Variants in LRFN2 observed in about 807,000 individuals in gnomAD.
LRFN2 encodes leucine-rich repeat and fibronectin type-III domain-containing protein 2.
In LRFN2, 18 loss-of-function variants were observed where a neutral mutation model predicts 37.3. The observed-to-expected ratio is 0.48, with a 90% CI of 0.33 to 0.72. The LOEUF is 0.72. Among genes scored for constraint, LRFN2 ranks in the 30% least tolerant of loss-of-function variants. The pLI, the probability that LRFN2 is intolerant of heterozygous loss-of-function variation, is 0.02. For synonymous variants in LRFN2, 556 were observed against 466.6 expected (o/e 1.19, Z -2.47); for missense variants, 1,006 against 1,060.7 (o/e 0.95, Z 0.72).
chr6:40,558,349 C>T (rs1367239227), intron 1 of LRFN2, among the ~76,000 whole-genome samples: 1 of 152,250 alleles, frequency 6.6e-6, no homozygotes. Context: ...GAACAGCCAG[C>T]ACTTCCTTCC....
chr6:40,580,186 C>T (rs1248272192), intron 1 of LRFN2, among the ~76,000 whole-genome samples: 1 of 152,314 alleles, frequency 6.6e-6, no homozygotes, highest in South Asian at 2.1e-4. Flanking sequence ...TTCTCCCACA[C>T]CCTATTTTGG....
chr6:40,541,521 C>T lies in LRFN2; in HGVS notation c.-19+45420G>A, dbSNP rs1027837882. ...GGGTGGGTATTCACAAGATCCAGGA[C>T]GGGGCGGGGGTAGAGGCAAACCATA... On this transcript the variant is annotated intron_variant, in intron 1 of 2. Coordinates refer to ENST00000338305, the MANE Select transcript of LRFN2 (RefSeq NM_020737.3). Among the ~76,000 whole-genome samples the T allele has an allele frequency of 2.0e-4, 31 of 152,170 alleles. 1 individual carries two copies. The highest frequency in any genetic ancestry group is 1.0e-3 in the South Asian group (5 of 4,816).
intron 2 of LRFN2, among the ~76,000 whole-genome samples, chr6:40,400,421 C>CTTTTTTTTTTTTTTTTTTT: frequency 7.8e-6 from 1 of 128,682 alleles, no homozygotes; most frequent in Non-Finnish European, 1.6e-5. Context: ...GGTACTTTTC[C>CTTTTTTTTTTTTTTTTTTT]TTTTTTTTTT....
intron 1 of LRFN2, among the ~76,000 whole-genome samples, chr6:40,440,378 C>G (rs1023264613): frequency 6.6e-6 from 1 of 152,132 alleles, no homozygotes; most frequent in Non-Finnish European, 1.5e-5. Flanking sequence ...ACCTGGGAAC[C>G]CCTTCTTGGC....
intron 2 of LRFN2, among the ~76,000 whole-genome samples, chr6:40,421,783 T>C (rs1053855404): frequency 6.6e-6 from 1 of 152,186 alleles, no homozygotes; most frequent in Non-Finnish European, 1.5e-5. Flanking sequence ...AATTGGTTGG[T>C]GGGCCTTAGA....
intron 2 of LRFN2, among the ~76,000 whole-genome samples, chr6:40,430,985 G>T (rs563640501): frequency 6.6e-6 from 1 of 152,088 alleles, no homozygotes; most frequent in Non-Finnish European, 1.5e-5. Context: ...TAGAACTTAG[G>T]GAAGGTAAGA....
At chr6:40,523,709 C>T (rs543214330) in intron 1 of LRFN2, 9 of 152,230 alleles carry the variant, frequency 5.9e-5, no homozygotes, top group Admixed American at 4.6e-4. Flanking sequence ...TACTCATGAA[C>T]ACATGAAGCT....
intron 1 of LRFN2, among the ~76,000 whole-genome samples, chr6:40,469,882 C>T (rs1561868463): frequency 6.6e-6 from 1 of 152,184 alleles, no homozygotes; most frequent in Non-Finnish European, 1.5e-5. Flanking sequence ...CTGCACACAC[C>T]CTGTAAACCA....
chr6:40,480,241 G>T (rs1434913830), intron 1 of LRFN2, among the ~76,000 whole-genome samples: 2 of 152,160 alleles, frequency 1.3e-5, no homozygotes, highest in African/African-American at 4.8e-5. Flanking sequence ...GGTTCCACTT[G>T]TCTGGCCAGG....
chr6:40,432,281 T>C lies in LRFN2; in HGVS notation c.833A>G (p.His278Arg). The stretch of plus-strand genomic sequence containing the variant: ...GCACACAAACTCCTCCTCACGCACA[T>C]GCCAGAAGTAGCGACCCTTGAGGCC... ...PGGLKGRYFW[H>R]VREEEFVCEP... The change falls in exon 2 of 3, where the codon CAT (histidine) becomes CGT (arginine). Residue 278 changes from histidine to arginine, a missense_variant. Coordinates refer to ENST00000338305, the MANE Select transcript of LRFN2 (RefSeq NM_020737.3). 6.2e-7 allele frequency: 1 copy of C among 1,614,090 alleles called. No homozygotes were observed.
chr6:40,512,277 GC>G (rs1765732604), intron 1 of LRFN2, among the ~76,000 whole-genome samples: 1 of 152,136 alleles, frequency 6.6e-6, no homozygotes, highest in African/African-American at 2.4e-5. Context: ...CCCTCCCATT[GC>G]CCCCGCTTCC....
intron 1 of LRFN2, among the ~76,000 whole-genome samples, chr6:40,439,707 ACCT>A (rs960496107): frequency 2.6e-5 from 4 of 151,858 alleles, no homozygotes; most frequent in African/African-American, 9.7e-5. Flanking sequence ...GATTTCCAAA[ACCT>A]CCTTTCCAAA....
At chr6:40,464,049 T>C (rs1488359068) in intron 1 of LRFN2, among the ~76,000 whole-genome samples, 1 of 152,232 alleles carries the variant, frequency 6.6e-6, no homozygotes, top group Non-Finnish European at 1.5e-5. Context: ...AAGTCCTTTC[T>C]GTTCTGTCTC....
At chr6:40,585,924 A>C (rs1767493966) in intron 1 of LRFN2, among the ~76,000 whole-genome samples, 1 of 151,708 alleles carries the variant, frequency 6.6e-6, no homozygotes, top group Admixed American at 6.6e-5. Context: ...CATGCCTGTA[A>C]CTCCAACTCA....
Position 40,391,975 on chromosome 6 carries a change from T to G in LRFN2, c.2338A>C (p.Ser780Arg), listed in dbSNP as rs1385969697. The G allele has an allele frequency of 1.3e-6, 2 of 1,595,304 alleles. No individual in the cohort carries two copies. The highest frequency in any genetic ancestry group is 2.3e-5 in the South Asian group (2 of 87,650). Residue 780 changes from serine to arginine, a missense_variant, in exon 3 of 3, where the codon AGC (serine) becomes CGC (arginine). Ser to Arg is a moderately radical substitution (Grantham distance 110). Around this residue, in one of 4 missense-constraint regions of LRFN2, gnomAD observed 398 missense variants for 327.6 expected, o/e 1.21. Coordinates refer to ENST00000338305, the MANE Select transcript of LRFN2 (RefSeq NM_020737.3). ...GTGCTCTCCATCACCCATTCGGAGC[T>G]GCCAAAAGTCCCCCGGGCCCCCACC... ...DLVGARGTFG[S>R]SEWVMESTV
chr6:40,522,446 G>A (rs1766106733), intron 1 of LRFN2, among the ~76,000 whole-genome samples: 1 of 152,146 alleles, frequency 6.6e-6, no homozygotes, highest in Non-Finnish European at 1.5e-5. Context: ...AAGCTGGAGG[G>A]TGGTATGAGG....
chr6:40,586,623 C>T (rs1418652271), intron 1 of LRFN2, among the ~76,000 whole-genome samples: 1 of 152,140 alleles, frequency 6.6e-6, no homozygotes, highest in Non-Finnish European at 1.5e-5. Context: ...CTGCTGTTTT[C>T]AACGGTTCCA....
intron 1 of LRFN2, among the ~76,000 whole-genome samples, chr6:40,469,357 G>A (rs1195723409): frequency 1.3e-5 from 2 of 151,236 alleles, no homozygotes; most frequent in African/African-American, 4.9e-5. Context: ...CATCCGGTTT[G>A]TGGTCATTTG....
At position 40,424,527 on chromosome 6, in the gene LRFN2, T is replaced by C. The variant is rs933304834; in HGVS notation, c.1400+7187A>G. The stretch of plus-strand genomic sequence containing the variant: ...CTAGTTTTACTATCTATAAAATGGG[T>C]TTAACGTTATTGTCTTCTGCATCCC... On this transcript the variant is annotated intron_variant, in intron 2 of 2. Transcript: ENST00000338305. Among the ~76,000 whole-genome samples the C allele has an allele frequency of 2.6e-5, 4 of 152,290 alleles. No individual in the cohort carries two copies. The South Asian group carries it at 6.2e-4, about 24-fold the overall frequency.
Sources: gnomAD v4.1 joint callset for allele counts (sites outside exome capture counted in the v4.1 genomes callset) on GRCh38, gnomAD v4.1.1 for gene constraint, gnomAD v4.1.1 regional missense constraint, MANE v1.5 for transcripts, NCBI Gene and HGNC (gene_info 2026-07-23, HGNC 2026-07-21) for gene names.